PPP6R2: variants seen among roughly 807,000 people sequenced by gnomAD.
The protein encoded by PPP6R2 is protein phosphatase 6 regulatory subunit 2, also known as serine/threonine-protein phosphatase 6 regulatory subunit 2.
Under a neutral mutation model 100.2 loss-of-function variants are expected in PPP6R2, and 62 were observed. That is an observed-to-expected ratio of 0.62 (90% CI 0.50 to 0.76). The LOEUF (loss-of-function observed/expected upper bound fraction) is 0.76. PPP6R2 is among the 30% of genes least tolerant of loss of function. PPP6R2 has a pLI of 0.00. For missense variants in PPP6R2, 1,142 were observed against 1,276.3 expected (o/e 0.89, Z 1.60); for synonymous variants, 525 against 514.7 (o/e 1.02, Z -0.27).
intron 10 of PPP6R2, among the ~76,000 whole-genome samples, chr22:50,429,302 A>T (rs1053025350): frequency 6.6e-6 from 1 of 152,166 alleles, no homozygotes; most frequent in African/African-American, 2.4e-5. Flanking sequence ...AAGTGTTGGG[A>T]TTACAGGCAT....
intron 4 of PPP6R2, among the ~76,000 whole-genome samples, chr22:50,410,469 C>CTTTTTTTTTTTT (rs200178930): frequency 9.7e-6 from 1 of 103,342 alleles, no homozygotes; most frequent in African/African-American, 3.8e-5. Flanking sequence ...TGAGTGGTGT[C>CTTTTTTTTTTTT]TTTTTTTTTT....
chr22:50,415,792 A>G (rs1253674917), intron 5 of PPP6R2, among the ~76,000 whole-genome samples: 1 of 152,234 alleles, frequency 6.6e-6, no homozygotes, highest in African/African-American at 2.4e-5. Context: ...CTCCTGAGCT[A>G]TAGCTTGTGT....
intron 13 of PPP6R2, among the ~76,000 whole-genome samples, chr22:50,435,858 G>T (rs2064120845): frequency 6.6e-6 from 1 of 152,214 alleles, no homozygotes; most frequent in Non-Finnish European, 1.5e-5. Context: ...CGAGGGGCAA[G>T]CAGGAAGCTG....
At chr22:50,381,038 T>C (rs1225635582) in intron 2 of PPP6R2, among the ~76,000 whole-genome samples, 3 of 136,366 alleles carry the variant, frequency 2.2e-5, no homozygotes, top group African/African-American at 8.5e-5. Flanking sequence ...CACTTGAACC[T>C]GGGAGGTGGA....
intron 22 of PPP6R2, chr22:50,443,255 A>G (rs891185662): frequency 6.5e-6 from 1 of 152,998 alleles, no homozygotes; most frequent in Non-Finnish European, 1.5e-5. Context: ...GTTTTTTTCC[A>G]CGGGGCTGTC....
intron 5 of PPP6R2, 27 bp from the exon 6 acceptor site, chr22:50,416,065 A>G: frequency 2.5e-6 from 4 of 1,598,280 alleles, no homozygotes; most frequent in Non-Finnish European, 3.4e-6. Context: ...GAGCAGCGAC[A>G]CTGAAAGGCC....
chr22:50,421,629 G>A (rs1310598562), intron 8 of PPP6R2, among the ~76,000 whole-genome samples: 2 of 152,246 alleles, frequency 1.3e-5, no homozygotes, highest in East Asian at 3.9e-4. Flanking sequence ...ACACCACAGG[G>A]GGTAGGCGCA....
At chr22:50,426,845 A>C (rs2062218449) in intron 10 of PPP6R2, among the ~76,000 whole-genome samples, 1 of 149,520 alleles carries the variant, frequency 6.7e-6, no homozygotes, top group Non-Finnish European at 1.5e-5. Context: ...AAAAAAAAAA[A>C]AAAAAACACC....
chr22:50,368,541 AATG>A (rs1385653441), intron 1 of PPP6R2, among the ~76,000 whole-genome samples: 2 of 152,226 alleles, frequency 1.3e-5, no homozygotes, highest in Non-Finnish European at 2.9e-5. Context: ...GCTACAAACT[AATG>A]ATTAATAATA....
At chr22:50,346,976 A>G (rs894184335) in intron 1 of PPP6R2, among the ~76,000 whole-genome samples, 3 of 150,962 alleles carry the variant, frequency 2.0e-5, no homozygotes, top group Admixed American at 6.6e-5. Flanking sequence ...CCCTTCTGTC[A>G]GCAATGTCCC....
intron 1 of PPP6R2, among the ~76,000 whole-genome samples, chr22:50,349,235 G>A (rs1014700880): frequency 2.7e-5 from 4 of 150,340 alleles, no homozygotes; most frequent in Admixed American, 6.7e-5. Context: ...ATGGTGGTGT[G>A]CGCCTATAGT....
intron 5 of PPP6R2, 57 bp from the exon 6 acceptor site, chr22:50,416,035 C>T: frequency 6.7e-7 from 1 of 1,492,562 alleles, no homozygotes; most frequent in Non-Finnish European, 9.3e-7. Flanking sequence ...GGGAAAGGTT[C>T]CTGTTGTTTA....
chr22:50,380,549 C>T (rs563734562), intron 2 of PPP6R2, among the ~76,000 whole-genome samples: 27 of 148,316 alleles, frequency 1.8e-4, no homozygotes, highest in African/African-American at 6.0e-4. Flanking sequence ...TTAGTAGAGA[C>T]GGGGTTTCAC....
At chr22:50,372,700 T>G (rs1162263651) in intron 2 of PPP6R2, among the ~76,000 whole-genome samples, 3 of 152,024 alleles carry the variant, frequency 2.0e-5, no homozygotes. Flanking sequence ...ATTCTTCTTT[T>G]TTTTTTGAGA....
intron 2 of PPP6R2, among the ~76,000 whole-genome samples, chr22:50,383,143 T>C (rs906526401): frequency 3.3e-5 from 5 of 152,016 alleles, no homozygotes; most frequent in Non-Finnish European, 7.4e-5. Flanking sequence ...CGGCCTGATT[T>C]AGAAATGATA....
At chr22:50,351,287 G>C (rs1416405814) in intron 1 of PPP6R2, among the ~76,000 whole-genome samples, 1 of 145,572 alleles carries the variant, frequency 6.9e-6, no homozygotes, top group Non-Finnish European at 1.5e-5. Context: ...TGATCCGCCC[G>C]CCTTGGCCTC....
Position 50,438,308 on chromosome 22 carries a change from C to T in PPP6R2, c.1964+10C>T. ...TGATGGCCAGACCCAGGTGCGGGGC[C>T]TGCCCATCCCCACAAAGCCTCTGCC... On this transcript the variant is annotated intron_variant, in intron 18 of 23. Transcript: ENST00000612753. 1 of 1,607,748 alleles carries T rather than the reference C, an allele frequency of 6.2e-7. No individual in the cohort carries two copies. Among genetic ancestry groups the T allele is most frequent in the Non-Finnish European group, 8.5e-7 (1 of 1,177,262 alleles).
intron 6 of PPP6R2, among the ~76,000 whole-genome samples, 156 bp from the exon 7 acceptor site, chr22:50,418,711 G>A (rs7293044): frequency 0.74 from 110,205 of 149,172 alleles, 40,719 homozygotes; most frequent in East Asian, 0.84. Context: ...TAAAAAAAAA[G>A]AAAAAGTATT....
chr22:50,341,296 C>T (rs888926418), upstream of PPP6R2, among the ~76,000 whole-genome samples: 3 of 152,118 alleles, frequency 2.0e-5, no homozygotes, highest in Admixed American at 1.3e-4. Flanking sequence ...GCCTCAACTA[C>T]CTGGGCTCAG....
Sources: allele counts gnomAD v4.1 joint callset (sites outside exome capture counted in the v4.1 genomes callset), GRCh38; gene constraint gnomAD v4.1.1; transcripts MANE v1.5; gene names NCBI Gene and HGNC (gene_info 2026-07-23, HGNC 2026-07-21).